AMBRA1: variants seen among roughly 807,000 people sequenced by gnomAD.
AMBRA1 encodes the protein activating molecule in BECN1-regulated autophagy protein 1.
AMBRA1 carries 47 observed loss-of-function variants against 125.4 expected under a neutral mutation model. That is an observed-to-expected ratio of 0.37 (90% CI 0.30 to 0.48). The LOEUF (loss-of-function observed/expected upper bound fraction) is 0.48, where lower values mean the gene tolerates loss of function less well. Among genes scored for constraint, AMBRA1 ranks in the 20% least tolerant of loss-of-function variants. AMBRA1 has a pLI of 0.99. For synonymous variants in AMBRA1, 626 were observed against 655.5 expected (o/e 0.95, Z 0.69); for missense variants, 1,331 against 1,693.4 (o/e 0.79, Z 3.76).
intron 14 of AMBRA1, 126 bp from the exon 15 acceptor site, chr11:46,418,178 G>A (rs1946637194): frequency 1.4e-6 from 1 of 719,854 alleles, no homozygotes; most frequent in Non-Finnish European, 1.8e-6. Flanking sequence ...GGAACAGGAT[G>A]ACTCTTTTTT....
At chr11:46,432,358 T>C (rs1947496286) in intron 14 of AMBRA1, among the ~76,000 whole-genome samples, 1 of 152,032 alleles carries the variant, frequency 6.6e-6, no homozygotes. Context: ...CAAGTAAAGG[T>C]ACCCTGGCAA....
chr11:46,428,260 T>A (rs1258358272), intron 14 of AMBRA1, among the ~76,000 whole-genome samples: 1 of 152,098 alleles, frequency 6.6e-6, no homozygotes, highest in Non-Finnish European at 1.5e-5. Context: ...AACTATTGAT[T>A]TGTCTGGGTA....
chr11:46,559,269 C>T (rs1200252000), intron 1 of AMBRA1, among the ~76,000 whole-genome samples: 6 of 151,552 alleles, frequency 4.0e-5, no homozygotes, highest in East Asian at 1.9e-4. Flanking sequence ...CACTGTACTC[C>T]GCCTGGATGA....
intron 1 of AMBRA1, among the ~76,000 whole-genome samples, chr11:46,569,240 C>CAAAAAAAAAAAAA (rs1207336499): frequency 1.5e-5 from 1 of 68,682 alleles, no homozygotes. Context: ...GAGGGAATCT[C>CAAAAAAAAAAAAA]AAAAAAAAAA....
chr11:46,573,641 T>A (rs1227269681), intron 1 of AMBRA1, among the ~76,000 whole-genome samples: 1 of 151,750 alleles, frequency 6.6e-6, no homozygotes, highest in Non-Finnish European at 1.5e-5. Flanking sequence ...GTTTCTCTTT[T>A]TAAAGAAGCA....
intron 11 of AMBRA1, among the ~76,000 whole-genome samples, chr11:46,455,252 A>T (rs1948801136): frequency 6.6e-6 from 1 of 152,112 alleles, no homozygotes; most frequent in Admixed American, 6.5e-5. Flanking sequence ...TTACCATCTT[A>T]ACCATATTTA....
At chr11:46,517,146 C>CTTTTTT (rs369058163) in intron 7 of AMBRA1, among the ~76,000 whole-genome samples, 2 of 122,026 alleles carry the variant, frequency 1.6e-5, no homozygotes, top group African/African-American at 3.1e-5. Flanking sequence ...TACTCAAAAG[C>CTTTTTT]TTTTTTTTTT....
At position 46,469,759 on chromosome 11, in the gene AMBRA1, G is replaced by C. The variant is rs547424593; in HGVS notation, c.2521+23849C>G. 3.3e-5 allele frequency among the ~76,000 whole-genome samples: 5 copies of C among 151,996 alleles called. No homozygotes were observed. In the South Asian group the frequency reaches 6.2e-4, roughly 19 times the overall value. The stretch of plus-strand genomic sequence containing the variant: ...TGCTCACTGCAGCCTCGAACTCCTG[G>C]GCTCAAGCAATCCTCCTGTCTCAAC... On this transcript the variant is annotated intron_variant, in intron 11 of 17. Transcript: ENST00000683756.
intron 11 of AMBRA1, among the ~76,000 whole-genome samples, chr11:46,471,689 G>A (rs189855979): frequency 1.4e-3 from 205 of 151,266 alleles, no homozygotes; most frequent in African/African-American, 4.8e-3. Context: ...GTGCAGTAGC[G>A]TGATCTCGGC....
Position 46,490,170 on chromosome 11 carries a change from C to T in AMBRA1, c.2521+3438G>A, listed in dbSNP as rs575429847. ...TGCTACAATGTCAGCAGGGGGAGCTCCTCAGACTTTTGTATGTTCTCCCAC... is the reference window on the plus strand; with the variant it reads ...TGCTACAATGTCAGCAGGGGGAGCTTCTCAGACTTTTGTATGTTCTCCCAC... On this transcript the variant is annotated intron_variant, in intron 11 of 17. Transcript: ENST00000683756. Among the ~76,000 whole-genome samples, 21 of 152,270 alleles carry T rather than the reference C, an allele frequency of 1.4e-4. No individual in the cohort carries two copies. The South Asian group carries it at 4.1e-3, about 30-fold the overall frequency.
intron 12 of AMBRA1, 114 bp downstream of exon 12, chr11:46,443,374 G>T: frequency 1.3e-6 from 1 of 772,572 alleles, no homozygotes; most frequent in Non-Finnish European, 2.2e-6. Context: ...ATGGCATGTA[G>T]ATAACAACTG....
At chr11:46,555,990 C>T (rs1289884795) in intron 1 of AMBRA1, among the ~76,000 whole-genome samples, 1 of 152,210 alleles carries the variant, frequency 6.6e-6, no homozygotes, top group Non-Finnish European at 1.5e-5. Context: ...TATTCCATAA[C>T]TTGATTTAAC....
At chr11:46,556,538 T>C (rs1045214423) in intron 1 of AMBRA1, among the ~76,000 whole-genome samples, 1 of 152,200 alleles carries the variant, frequency 6.6e-6, no homozygotes, top group African/African-American at 2.4e-5. Context: ...TCATGAGTGA[T>C]ATTTATTTTA....
At chr11:46,416,134 T>C (rs1386566898) in intron 15 of AMBRA1, among the ~76,000 whole-genome samples, 2 of 152,040 alleles carry the variant, frequency 1.3e-5, no homozygotes, top group Non-Finnish European at 1.5e-5. Context: ...GTAACTGAAG[T>C]GTAAGTAAGA....
At chr11:46,488,968 T>A (rs1041126582) in intron 11 of AMBRA1, among the ~76,000 whole-genome samples, 1 of 152,176 alleles carries the variant, frequency 6.6e-6, no homozygotes, top group Admixed American at 6.5e-5. Flanking sequence ...GGGGGCGAGA[T>A]CTTGGCTCAC....
chr11:46,518,628 C>T (rs1016796804), intron 7 of AMBRA1, among the ~76,000 whole-genome samples: 4 of 152,008 alleles, frequency 2.6e-5, no homozygotes, highest in Non-Finnish European at 2.9e-5. Flanking sequence ...GCCTAAAATA[C>T]CTACTGCCTA....
At chr11:46,556,973 T>C (rs7130028) in intron 1 of AMBRA1, among the ~76,000 whole-genome samples, 69,103 of 151,668 alleles carry the variant, frequency 0.46, 20,247 homozygotes, top group African/African-American at 0.83. Flanking sequence ...CCTGTCTCTA[T>C]TAAAAATACA....
At chr11:46,413,247 G>A (rs1946377192) in intron 15 of AMBRA1, among the ~76,000 whole-genome samples, 1 of 152,164 alleles carries the variant, frequency 6.6e-6, no homozygotes, top group Admixed American at 6.5e-5. Context: ...GAGGTCCACT[G>A]CCAACAGAAC....
At chr11:46,494,287 T>C in intron 9 of AMBRA1, 83 bp from the exon 10 acceptor site, 1 of 1,231,222 alleles carries the variant, frequency 8.1e-7, no homozygotes, top group Non-Finnish European at 1.2e-6. Context: ...ATCCCCAAAA[T>C]GACATTCTTA....
Sources: gnomAD v4.1 joint callset for allele counts (sites outside exome capture counted in the v4.1 genomes callset) on GRCh38, gnomAD v4.1.1 for gene constraint, MANE v1.5 for transcripts, NCBI Gene and HGNC (gene_info 2026-07-23, HGNC 2026-07-21) for gene names.